The following CD300A variants were observed in gnomAD, a reference collection of about 807,000 sequenced individuals.
The protein encoded by CD300A is CD300a molecule, also known as CMRF35-like molecule 8.
Under a neutral mutation model 33.6 loss-of-function variants are expected in CD300A, and 22 were observed. That is an observed-to-expected ratio of 0.66 (90% CI 0.47 to 0.94). The LOEUF (loss-of-function observed/expected upper bound fraction) is 0.94. Among genes scored for constraint, CD300A ranks in the 40% least tolerant of loss-of-function variants. The probability of loss-of-function intolerance (pLI) is 0.00; values close to 1 mark genes in which losing one functional copy is unlikely to be tolerated. For missense variants in CD300A, 326 were observed against 360.5 expected, an observed-to-expected ratio of 0.90 and a Z score of 0.77; for synonymous variants, 136 against 148.1, an observed-to-expected ratio of 0.92 and a Z score of 0.59.
intron 4 of CD300A, among the ~76,000 whole-genome samples, chr17:74,481,045 G>A (rs748889813): frequency 2.6e-5 from 4 of 152,138 alleles, no homozygotes; most frequent in African/African-American, 4.8e-5. Context: ...CACCGCACCC[G>A]GCCCAGCTGG....
intron 1 of CD300A, among the ~76,000 whole-genome samples, chr17:74,467,308 G>C (rs1905787780): frequency 6.6e-6 from 1 of 152,130 alleles, no homozygotes; most frequent in Admixed American, 6.5e-5. Flanking sequence ...CAGCCCAGCG[G>C]CTGGGGCCTG....
chr17:74,477,562 C>T (rs148809247), intron 4 of CD300A, 32 bp downstream of exon 4: 2 of 1,509,066 alleles, frequency 1.3e-6, no homozygotes, highest in Non-Finnish European at 1.8e-6. Context: ...CTCTGCCCCA[C>T]CTGGGGTGGT....
intron 1 of CD300A, among the ~76,000 whole-genome samples, chr17:74,472,837 T>C (rs1906195223): frequency 6.6e-6 from 1 of 152,182 alleles, no homozygotes; most frequent in African/African-American, 2.4e-5. Flanking sequence ...CTCGAACTCC[T>C]GGCCTCAAGT....
At chr17:74,481,879 G>T in intron 6 of CD300A, 46 bp downstream of exon 6, 1 of 1,437,728 alleles carries the variant, frequency 7.0e-7, no homozygotes. Flanking sequence ...CCTGGGCTGT[G>T]CCAGGGCACC....
chr17:74,474,589 C>G lies in CD300A; in HGVS notation c.437C>G (p.Thr146Ser). Residue 146 changes from threonine (T) to serine (S), a missense_variant, in exon 3 of 7, where the codon ACT (threonine) becomes AGT (serine). Thr to Ser is a moderately conservative substitution (Grantham distance 58). Transcript: ENST00000360141. Reference sequence around the variant, plus strand: ...GCGGCCAAGACCTCAACAATCACAACTGCATTTCCACCTGTATCATCCACT... The same window carrying G: ...GCGGCCAAGACCTCAACAATCACAAGTGCATTTCCACCTGTATCATCCACT... ...ITAAKTSTIT[T>S]AFPPVSSTTL... 6.2e-7 allele frequency: 1 copy of G among 1,614,208 alleles called. No homozygotes were observed. The highest frequency in any genetic ancestry group is 8.5e-7 in the Non-Finnish European group (1 of 1,180,010).
intron 1 of CD300A, among the ~76,000 whole-genome samples, chr17:74,468,087 T>C (rs964573961): frequency 3.3e-5 from 5 of 151,976 alleles, no homozygotes; most frequent in African/African-American, 9.7e-5. Flanking sequence ...CAGGCTGGAG[T>C]GCAGTGGCGC....
Position 74,477,567 on chromosome 17 carries a change from G to T in CD300A, c.628+37G>T. ...CCCCACACCCCTCTGCCCCACCTGG[G>T]GTGGTCAGACCCTGACCACAGACGC... is the stretch of plus-strand genomic sequence containing the variant. On this transcript the variant is annotated intron_variant, in intron 4 of 6. Coordinates refer to ENST00000360141, the MANE Select transcript of CD300A (RefSeq NM_007261.4). The T allele has an allele frequency of 1.3e-6, 2 of 1,490,058 alleles. No homozygotes were observed. Among genetic ancestry groups the T allele is most frequent in the South Asian group, 2.3e-5 (2 of 88,048 alleles). The allele number at this position is 1,490,058 out of a possible 1,614,324, so 92.3% of individuals were successfully genotyped here.
Position 74,481,719 on chromosome 17 carries a change from C to G in CD300A, c.667-7C>G. 6.2e-7 allele frequency: 1 copy of G among 1,600,844 alleles called. No individual in the cohort carries two copies. ...GGACACCCACCTGGGACCTCCTGCC[C>G]ACCCAGGCTGCCACGCAGAGTGAGC... On this transcript the variant is annotated splice_polypyrimidine_tract_variant and splice_region_variant and intron_variant, in intron 5 of 6. Transcript: ENST00000360141.
chr17:74,473,223 T>TG (rs1288430971), intron 1 of CD300A, among the ~76,000 whole-genome samples: 5 of 151,966 alleles, frequency 3.3e-5, no homozygotes, highest in African/African-American at 1.2e-4. Flanking sequence ...ATCTGGCTGA[T>TG]GGGGCTGATA....
intron 1 of CD300A, chr17:74,466,955 C>T (rs1239351114): frequency 4.2e-6 from 6 of 1,419,602 alleles, no homozygotes; most frequent in South Asian, 1.5e-5. Context: ...TCTGCACCCA[C>T]GTACCTTGGC....
chr17:74,481,268 T>TTCCTC (rs1186387082), intron 4 of CD300A, 21 bp from the exon 5 acceptor site: 2 of 1,613,472 alleles, frequency 1.2e-6, no homozygotes, highest in Non-Finnish European at 1.7e-6. Flanking sequence ...TTCAACCTCC[T>TTCCTC]TCCTCTCCTC....
rs773580084 is a variant in CD300A at position 74,480,969 on chromosome 17, G to A, written c.629-320G>A. On this transcript the variant is annotated intron_variant, in intron 4 of 6. Transcript: ENST00000360141. The surrounding 1 kb of genome is among the most constrained non-coding windows in gnomAD (Gnocchi z 4.2). ...TCACCCTATTGGCCCGGCTGGTCTC[G>A]AACTCCTGACCTCAAGTGATCTGCC... Among the ~76,000 whole-genome samples the A allele has an allele frequency of 8.5e-5, 13 of 152,074 alleles. No homozygotes were observed. The highest frequency in any genetic ancestry group is 1.5e-4 in the Non-Finnish European group (10 of 68,016).
chr17:74,477,683 C>T (rs1387589231), intron 4 of CD300A, among the ~76,000 whole-genome samples, 153 bp downstream of exon 4: 1 of 152,118 alleles, frequency 6.6e-6, no homozygotes, highest in Non-Finnish European at 1.5e-5. Flanking sequence ...AGGGCAGGTC[C>T]CATGGGAGGC....
intron 1 of CD300A, among the ~76,000 whole-genome samples, chr17:74,471,930 T>C (rs1906127223): frequency 6.6e-6 from 1 of 151,996 alleles, no homozygotes; most frequent in Admixed American, 6.6e-5. Context: ...ATTTAGCATC[T>C]GAAACAGTAA....
In CD300A at chr17:74,466,659, G is replaced by T; in HGVS notation, c.-45G>T. The T allele has an allele frequency of 6.4e-7, 1 of 1,568,668 alleles. No homozygotes were observed. Among genetic ancestry groups the T allele is most frequent in the Non-Finnish European group, 8.7e-7 (1 of 1,154,678 alleles). On this transcript the variant is annotated 5_prime_UTR_variant, in exon 1 of 7. It adds an upstream start codon to the 5' untranslated region. Transcript: ENST00000360141. ...GTGACTTTCCCCTCGGGTCCAGGTA[G>T]GGCCTGGAGCTGCTGCAAGTGCCGC...
At chr17:74,481,941 G>A (rs890887960) in intron 6 of CD300A, 108 bp downstream of exon 6, 1 of 760,602 alleles carries the variant, frequency 1.3e-6, no homozygotes, top group Admixed American at 2.2e-5. Flanking sequence ...GTGATCTTGT[G>A]CCTGTCAGGG....
chr17:74,481,924 C>T (rs909018519), intron 6 of CD300A, 91 bp downstream of exon 6: 14 of 901,958 alleles, frequency 1.6e-5, no homozygotes, highest in African/African-American at 6.6e-5. Flanking sequence ...AGGAAGGGGT[C>T]GGCTTGGTGA....
In CD300A at chr17:74,480,130, C is replaced by T. The variant is rs1201380805; in HGVS notation, c.629-1159C>T. Among the ~76,000 whole-genome samples, 4 of 152,170 alleles carry T rather than the reference C, an allele frequency of 2.6e-5. No individual in the cohort carries two copies. Among genetic ancestry groups the T allele is most frequent in the African/African-American group, 9.7e-5 (4 of 41,432 alleles). On this transcript the variant is annotated intron_variant, in intron 4 of 6. Transcript: ENST00000360141. The surrounding 1 kb of genome is among the most constrained non-coding windows in gnomAD (Gnocchi z 4.2). ...GACAGGGAGGGCAGTGTGGTGCCTGCGCACAGCACTTGGAAGCAGGGCACT... is the reference window on the plus strand; with the variant it reads ...GACAGGGAGGGCAGTGTGGTGCCTGTGCACAGCACTTGGAAGCAGGGCACT...
intron 5 of CD300A, 164 bp downstream of exon 5, chr17:74,481,490 T>A: frequency 1.4e-6 from 1 of 703,862 alleles, no homozygotes; most frequent in Non-Finnish European, 2.4e-6. Context: ...GGTCTTGTTC[T>A]GAGTCCTGGC....
Sources: gnomAD v4.1 joint callset for allele counts (sites outside exome capture counted in the v4.1 genomes callset) on GRCh38, gnomAD v4.1.1 for gene constraint, Gnocchi (gnomAD v3.1) non-coding constraint, MANE v1.5 for transcripts, NCBI Gene and HGNC (gene_info 2026-07-23, HGNC 2026-07-21) for gene names.